DPP10: variants seen among roughly 807,000 people sequenced by gnomAD.
DPP10 encodes inactive dipeptidyl peptidase 10.
DPP10 carries 33 observed loss-of-function variants against 120.9 expected under a neutral mutation model. The observed-to-expected ratio is 0.27, with a 90% CI of 0.21 to 0.37. The LOEUF (loss-of-function observed/expected upper bound fraction) is 0.37. DPP10 is among the 10% of genes least tolerant of loss of function. The pLI, the probability that DPP10 is intolerant of heterozygous loss-of-function variation, is 1.00. For missense variants in DPP10, 816 were observed against 942.8 expected, an observed-to-expected ratio of 0.87 and a Z score of 1.76; for synonymous variants, 337 against 326.1, an observed-to-expected ratio of 1.03 and a Z score of -0.36.
At chr2:115,057,476 T>C (rs1185693772) in intron 1 of DPP10, among the ~76,000 whole-genome samples, 4 of 152,182 alleles carry the variant, frequency 2.6e-5, no homozygotes, top group Non-Finnish European at 5.9e-5. Context: ...GTAGGTAAGG[T>C]AGATGTACTA....
intron 1 of DPP10, among the ~76,000 whole-genome samples, chr2:115,107,729 G>A (rs1318546648): frequency 6.6e-6 from 1 of 151,762 alleles, no homozygotes; most frequent in African/African-American, 2.4e-5. Flanking sequence ...AATGACTAAG[G>A]CAATTTTATA....
intron 1 of DPP10, among the ~76,000 whole-genome samples, chr2:115,155,767 G>T (rs984177997): frequency 6.6e-6 from 1 of 152,106 alleles, no homozygotes; most frequent in Non-Finnish European, 1.5e-5. Context: ...CAATATTTAG[G>T]CATAACCAGT....
chr2:115,787,675 G>A (rs1218879436), intron 17 of DPP10, among the ~76,000 whole-genome samples: 6 of 151,916 alleles, frequency 3.9e-5, no homozygotes, highest in East Asian at 3.9e-4. Flanking sequence ...ATGCAATAAC[G>A]GCCAAAAATT....
At chr2:115,432,326 T>C (rs2071069622) in intron 3 of DPP10, among the ~76,000 whole-genome samples, 1 of 152,092 alleles carries the variant, frequency 6.6e-6, no homozygotes. Flanking sequence ...GCAATTTATT[T>C]TAGGAAATAC....
At chr2:115,797,904 G>A (rs6755235) in intron 19 of DPP10, among the ~76,000 whole-genome samples, 1,951 of 150,942 alleles carry the variant, frequency 0.013, 44 homozygotes, top group African/African-American at 0.043. Flanking sequence ...ATATTTGTTT[G>A]GTGTTTATTT....
chr2:114,552,173 G>A (rs971357226), intron 1 of DPP10, among the ~76,000 whole-genome samples: 4 of 152,250 alleles, frequency 2.6e-5, no homozygotes, highest in Non-Finnish European at 4.4e-5. Context: ...GGTGTGTTAA[G>A]TCTCTCAGAT....
chr2:114,578,730 A>G (rs148571721), intron 1 of DPP10, among the ~76,000 whole-genome samples: 31 of 152,312 alleles, frequency 2.0e-4, no homozygotes, highest in African/African-American at 7.2e-4. Context: ...TGGTACCCCA[A>G]TGATCTCTGA....
At chr2:115,678,376 T>C (rs953085337) in intron 5 of DPP10, among the ~76,000 whole-genome samples, 3 of 152,232 alleles carry the variant, frequency 2.0e-5, no homozygotes, top group African/African-American at 7.2e-5. Flanking sequence ...CCTGCCATGC[T>C]AAAAGGGGCC....
At chr2:114,551,257 C>T (rs534031176) in intron 1 of DPP10, among the ~76,000 whole-genome samples, 22 of 152,306 alleles carry the variant, frequency 1.4e-4, no homozygotes, top group African/African-American at 5.3e-4. Context: ...TTTCCTAAAA[C>T]ATATTCTCAG....
chr2:114,849,012 G>A (rs530922173), intron 1 of DPP10, among the ~76,000 whole-genome samples: 9 of 152,232 alleles, frequency 5.9e-5, no homozygotes, highest in Admixed American at 1.3e-4. Flanking sequence ...TTTTATAAGG[G>A]CACTAATCCC....
chr2:115,829,865 G>T (rs1404241478), intron 21 of DPP10, among the ~76,000 whole-genome samples: 3 of 151,940 alleles, frequency 2.0e-5, no homozygotes, highest in African/African-American at 7.2e-5. Flanking sequence ...GCTTTTAGCT[G>T]GCCACTGTTT....
At chr2:115,150,827 T>C (rs981249034) in intron 1 of DPP10, among the ~76,000 whole-genome samples, 18 of 152,240 alleles carry the variant, frequency 1.2e-4, no homozygotes, top group African/African-American at 4.1e-4. Context: ...TAAAGTCTCA[T>C]AGACAATTTT....
intron 3 of DPP10, among the ~76,000 whole-genome samples, chr2:115,382,432 G>A (rs1447722936): frequency 6.6e-6 from 1 of 152,144 alleles, no homozygotes; most frequent in Non-Finnish European, 1.5e-5. Flanking sequence ...CACAGTGCGC[G>A]CACCCACTGA....
chr2:115,057,486 A>G (rs1706019180), intron 1 of DPP10, among the ~76,000 whole-genome samples: 1 of 152,168 alleles, frequency 6.6e-6, no homozygotes, highest in Non-Finnish European at 1.5e-5. Context: ...TAGATGTACT[A>G]AACCCATTAA....
chr2:115,317,939 C>G (rs1203255588), intron 2 of DPP10, among the ~76,000 whole-genome samples: 1 of 151,998 alleles, frequency 6.6e-6, no homozygotes, highest in Non-Finnish European at 1.5e-5. Context: ...ATAATAGTTT[C>G]ATTTGGTGCA....
intron 1 of DPP10, among the ~76,000 whole-genome samples, chr2:114,831,022 A>ATTTTTT (rs70941010): frequency 4.4e-5 from 2 of 45,922 alleles, no homozygotes; most frequent in African/African-American, 1.7e-4. Context: ...CCATGCAAAG[A>ATTTTTT]TTTTTTTTTT....
intron 1 of DPP10, among the ~76,000 whole-genome samples, chr2:114,503,247 T>A (rs1012834084): frequency 2.0e-5 from 3 of 152,212 alleles, no homozygotes; most frequent in African/African-American, 7.2e-5. Context: ...TGATATTTGC[T>A]TTGGGATCAG....
chr2:114,450,599 G>A (rs1428058265), intron 1 of DPP10, among the ~76,000 whole-genome samples: 2 of 151,918 alleles, frequency 1.3e-5, no homozygotes, highest in African/African-American at 2.4e-5. Context: ...ATTGGTCTTT[G>A]TTGAGCTAAG....
chr2:114,582,880 A>T (rs1690650777), intron 1 of DPP10, among the ~76,000 whole-genome samples: 1 of 152,150 alleles, frequency 6.6e-6, no homozygotes, highest in African/African-American at 2.4e-5. Context: ...AGAGCTTTCA[A>T]ATAATACAGG....
Sources: allele counts gnomAD v4.1 joint callset (sites outside exome capture counted in the v4.1 genomes callset), GRCh38; gene constraint gnomAD v4.1.1; transcripts MANE v1.5; gene names NCBI Gene and HGNC (gene_info 2026-07-23, HGNC 2026-07-21).